STK25: variants seen among roughly 807,000 people sequenced by gnomAD.
STK25 encodes the protein serine/threonine-protein kinase 25.
A neutral mutation model predicts 53.8 loss-of-function variants in STK25; 29 were observed. The observed-to-expected ratio is 0.54, with a 90% CI of 0.40 to 0.74. The LOEUF (loss-of-function observed/expected upper bound fraction) is 0.74. Among genes scored for constraint, STK25 ranks in the 30% least tolerant of loss-of-function variants. The pLI is 0.00. For synonymous variants in STK25, 247 were observed against 238.3 expected (o/e 1.04, Z -0.33); for missense variants, 420 against 568.0 (o/e 0.74, Z 2.65).
chr2:241,494,338 T>G lies in STK25; in HGVS notation c.*1324A>C. The G allele has an allele frequency of 2.7e-6, 1 of 376,146 alleles. No individual in the cohort carries two copies. The highest frequency in any genetic ancestry group is 4.9e-6 in the Non-Finnish European group (1 of 205,996). The allele number at this position is 376,146 out of a possible 1,614,324, so 23.3% of individuals were successfully genotyped here. A position where few individuals can be genotyped will look rare whatever the true frequency, so the allele number is the denominator to read the frequency against. ...GCATGCCAGCAGCTATCTGGGGCCC[T>G]GGGAAAAATGTGCGAGTCTTGAGCG... On this transcript the variant is annotated 3_prime_UTR_variant, in exon 12 of 12. Transcript: ENST00000316586. The surrounding 1 kb of genome is among the most constrained non-coding windows in gnomAD (Gnocchi z 4.9).
intron 5 of STK25, 168 bp downstream of exon 5, chr2:241,500,005 C>A (rs746084750): frequency 3.6e-5 from 25 of 703,488 alleles, no homozygotes; most frequent in Non-Finnish European, 5.7e-5. Context: ...CAAGTAGTAT[C>A]TTCTGGAAAG....
At chr2:241,498,139 GCT>G (rs1032787392) in intron 9 of STK25, 94 bp downstream of exon 9, 1 of 1,190,054 alleles carries the variant, frequency 8.4e-7, no homozygotes, top group Non-Finnish European at 1.2e-6. Context: ...CCTTGTCCAA[GCT>G]CCAGACACTG....
At position 241,493,394 on chromosome 2, in the gene STK25, C is replaced by G; in HGVS notation, c.*2268G>C. The G allele has an allele frequency of 6.2e-7, 1 of 1,613,970 alleles. No individual in the cohort carries two copies. Among genetic ancestry groups the G allele is most frequent in the Non-Finnish European group, 8.5e-7 (1 of 1,179,992 alleles). The stretch of plus-strand genomic sequence containing the variant: ...AAGACTATGTTTTCAAGCTCCAGTT[C>G]AAATCCCACGTCTACTTCTTCCGGG... On this transcript the variant is annotated 3_prime_UTR_variant, in exon 12 of 12. Transcript: ENST00000316586.
rs959459664 is a variant in STK25 at position 241,496,646 on chromosome 2, G to A, written c.1105-112C>T. Reference sequence around the variant, plus strand: ...AGGCCTTCAGGGCTCTCGCCTAGGAGCCACACCCGGGAGCCCTTCAGCAAG... The same window carrying A: ...AGGCCTTCAGGGCTCTCGCCTAGGAACCACACCCGGGAGCCCTTCAGCAAG... On this transcript the variant is annotated intron_variant, in intron 10 of 11. Coordinates refer to ENST00000316586, the MANE Select transcript of STK25 (RefSeq NM_001271977.2). The surrounding 1 kb of genome is among the most constrained non-coding windows in gnomAD (Gnocchi z 5.8). 7.9e-7 allele frequency: 1 copy of A among 1,261,482 alleles called. No individual in the cohort carries two copies. The highest frequency in any genetic ancestry group is 1.1e-6 in the Non-Finnish European group (1 of 923,104). The allele number at this position is 1,261,482 out of a possible 1,614,324, so 78.1% of individuals were successfully genotyped here. A position where few individuals can be genotyped will look rare whatever the true frequency, so the allele number is the denominator to read the frequency against.
chr2:241,498,818 C>T (rs2065335234), intron 7 of STK25, 34 bp from the exon 8 acceptor site: 1 of 1,612,420 alleles, frequency 6.2e-7, no homozygotes, highest in East Asian at 2.2e-5. Context: ...AGTCACTGGG[C>T]CCAGCCAAGC....
Position 241,493,029 on chromosome 2 carries a change from C to T in STK25, c.*2633G>A, listed in dbSNP as rs1559819671. 4.4e-6 allele frequency: 7 copies of T among 1,576,512 alleles called. No individual in the cohort carries two copies. The Admixed American group carries it at 5.0e-5, about 11-fold the overall frequency. On this transcript the variant is annotated 3_prime_UTR_variant, in exon 12 of 12. Coordinates refer to ENST00000316586, the MANE Select transcript of STK25 (RefSeq NM_001271977.2). ...AACTTCTGTTTGTTCTTCTACAAAA[C>T]TCATCAGGTACTGGAGTTTCACTGG...
chr2:241,501,062 A>C lies in STK25; in HGVS notation c.262-266T>G. The C allele has an allele frequency of 1.7e-6, 1 of 575,922 alleles. No individual in the cohort carries two copies. The highest frequency in any genetic ancestry group is 3.1e-6 in the Non-Finnish European group (1 of 322,468). 35.7% of individuals were successfully genotyped at this position (575,922 alleles called of 1,614,324 possible). A position where few individuals can be genotyped will look rare whatever the true frequency, so the allele number is the denominator to read the frequency against. ...GACCCCATCAAAAACCAGGCTGCTG[A>C]TCCAGTCCTACAGGGCTGGGAAGAG... On this transcript the variant is annotated intron_variant, in intron 3 of 11. Transcript: ENST00000316586. This position sits in a 1 kb window ranked among gnomAD's most constrained non-coding sequence, Gnocchi z 5.3.
In STK25 at chr2:241,492,969, G is replaced by A. The variant is rs1163322036; in HGVS notation, c.*2693C>T. The A allele has an allele frequency of 1.9e-6, 3 of 1,613,256 alleles. No homozygotes were observed. The highest frequency in any genetic ancestry group is 1.7e-5 in the Admixed American group (1 of 60,020). On this transcript the variant is annotated 3_prime_UTR_variant, in exon 12 of 12. Coordinates refer to ENST00000316586, the MANE Select transcript of STK25 (RefSeq NM_001271977.2). Reference sequence around the variant, plus strand: ...TATCTGCTAAGAAAGTTCAAAAACAGTCATGGCTGGCAGAAGCTCTGGGTC... The same window carrying A: ...TATCTGCTAAGAAAGTTCAAAAACAATCATGGCTGGCAGAAGCTCTGGGTC...
In STK25 at chr2:241,493,910, C is replaced by T; in HGVS notation, c.*1752G>A. The T allele has an allele frequency of 1.3e-6, 1 of 767,052 alleles. No individual in the cohort carries two copies. Among genetic ancestry groups the T allele is most frequent in the Non-Finnish European group, 2.0e-6 (1 of 506,934 alleles). 47.5% of individuals were successfully genotyped at this position (767,052 alleles called of 1,614,324 possible). A position where few individuals can be genotyped will look rare whatever the true frequency, so the allele number is the denominator to read the frequency against. On this transcript the variant is annotated 3_prime_UTR_variant, in exon 12 of 12. Coordinates refer to ENST00000316586, the MANE Select transcript of STK25 (RefSeq NM_001271977.2). ...CCGCACCCGGCCCCAGGTTTTTAAC[C>T]CTTCTTTTGTCCTGCTTGTCCCATA...
At chr2:241,498,594 C>A in intron 8 of STK25, 45 bp downstream of exon 8, 1 of 1,579,112 alleles carries the variant, frequency 6.3e-7, no homozygotes, top group South Asian at 1.2e-5. Context: ...GGACCACCCA[C>A]GTCACAGCAC....
rs1048091301 is a variant in STK25 at position 241,501,112 on chromosome 2, C to T, written c.262-316G>A. 3.8e-5 allele frequency: 21 copies of T among 553,270 alleles called. No individual in the cohort carries two copies. Among genetic ancestry groups the T allele is most frequent in the Non-Finnish European group, 5.2e-5 (16 of 307,030 alleles). The allele number at this position is 553,270 out of a possible 1,614,324, so 34.3% of individuals were successfully genotyped here. On this transcript the variant is annotated intron_variant, in intron 3 of 11. Coordinates refer to ENST00000316586, the MANE Select transcript of STK25 (RefSeq NM_001271977.2). The surrounding 1 kb of genome is among the most constrained non-coding windows in gnomAD (Gnocchi z 5.3). Reference sequence around the variant, plus strand: ...GGGCATGGCTGGCAAGCATGTGACCCGACACACCCATCACCCTCCTGGGCA... The same window carrying T: ...GGGCATGGCTGGCAAGCATGTGACCTGACACACCCATCACCCTCCTGGGCA...
rs2064995014 is a variant in STK25 at position 241,493,232 on chromosome 2, G to C, written c.*2430C>G. ...TGCCACCGTTGTGCAGGTAGCAGAG[G>C]AATGGGCATTCCCTGTGGCAACCCA... is the stretch of plus-strand genomic sequence containing the variant. On this transcript the variant is annotated 3_prime_UTR_variant, in exon 12 of 12. Transcript: ENST00000316586. 6.4e-7 allele frequency: 1 copy of C among 1,568,780 alleles called. No individual in the cohort carries two copies.
At position 241,496,524 on chromosome 2, in the gene STK25, T is replaced by C. The variant is rs759077480; in HGVS notation, c.1115A>G (p.Lys372Arg). Residue 372 changes from lysine to arginine, a missense_variant, in exon 11 of 12, where the codon AAG (lysine) becomes AGG (arginine). Coordinates refer to ENST00000316586, the MANE Select transcript of STK25 (RefSeq NM_001271977.2). This position sits in a 1 kb window ranked among gnomAD's most constrained non-coding sequence, Gnocchi z 5.8. ...CACGCTCCCGCCGCTCTGCTTGTGC[T>C]TCTCTTTGAGCTGTGAAAAGACCAC... ...VRPVFGELKE[K>R]HKQSGGSVGA... 6.2e-7 allele frequency: 1 copy of C among 1,613,570 alleles called. No homozygotes were observed. The highest frequency in any genetic ancestry group is 8.5e-7 in the Non-Finnish European group (1 of 1,179,894).
In STK25 at chr2:241,493,219, G is replaced by A; in HGVS notation, c.*2443C>T. The A allele has an allele frequency of 1.1e-5, 17 of 1,504,012 alleles. No homozygotes were observed. The highest frequency in any genetic ancestry group is 1.5e-5 in the Non-Finnish European group (16 of 1,087,238). 93.2% of individuals were successfully genotyped at this position (1,504,012 alleles called of 1,614,324 possible). A position where few individuals can be genotyped will look rare whatever the true frequency, so the allele number is the denominator to read the frequency against. On this transcript the variant is annotated 3_prime_UTR_variant, in exon 12 of 12. Transcript: ENST00000316586. ...GGGCATTTGTACGTGCCACCGTTGTGCAGGTAGCAGAGGAATGGGCATTCC... is the reference window on the plus strand; with the variant it reads ...GGGCATTTGTACGTGCCACCGTTGTACAGGTAGCAGAGGAATGGGCATTCC...
In STK25 at chr2:241,495,659, G is replaced by A. The variant is rs747139500; in HGVS notation, c.*3C>T. The A allele has an allele frequency of 2.8e-5, 45 of 1,614,040 alleles. No homozygotes were observed. Among genetic ancestry groups the A allele is most frequent in the African/African-American group, 5.3e-5 (4 of 74,942 alleles). ...CCGTCCCCTATCTGAACAGCAGTGC[G>A]CTTCAGCGGGTGGATGTCAGGTGGT... On this transcript the variant is annotated 3_prime_UTR_variant, in exon 12 of 12. Coordinates refer to ENST00000316586, the MANE Select transcript of STK25 (RefSeq NM_001271977.2).
At chr2:241,498,870 C>T (rs775236043) in intron 7 of STK25, 86 bp from the exon 8 acceptor site, 9 of 1,605,372 alleles carry the variant, frequency 5.6e-6, no homozygotes, top group Middle Eastern at 1.7e-4. Flanking sequence ...TGGACCGGGG[C>T]GGGCCCTCAC....
Position 241,493,416 on chromosome 2 carries a change from C to T in STK25, c.*2246G>A, listed in dbSNP as rs182405145. 24 of 1,613,918 alleles carry T rather than the reference C, an allele frequency of 1.5e-5. No individual in the cohort carries two copies. The highest frequency in any genetic ancestry group is 1.1e-4 in the East Asian group (5 of 44,888). On this transcript the variant is annotated 3_prime_UTR_variant, in exon 12 of 12. Coordinates refer to ENST00000316586, the MANE Select transcript of STK25 (RefSeq NM_001271977.2). The stretch of plus-strand genomic sequence containing the variant: ...GTTCAAATCCCACGTCTACTTCTTC[C>T]GGGCTGAGAGCAAGTACACATTTGA...
At chr2:241,509,549 C>G (rs1351932921), upstream of STK25, 1 of 152,532 alleles carries the variant, frequency 6.6e-6, no homozygotes, top group African/African-American at 2.4e-5. Flanking sequence ...GGTGACTATC[C>G]TGACCTCCTC....
upstream of STK25, chr2:241,508,821 G>A: frequency 3.4e-6 from 3 of 893,372 alleles, no homozygotes; most frequent in Non-Finnish European, 4.0e-6. Context: ...CGCCTGGGCG[G>A]GCGGGGCACG....
Sources: gnomAD v4.1 joint callset for allele counts on GRCh38, gnomAD v4.1.1 for gene constraint, Gnocchi (gnomAD v3.1) non-coding constraint, MANE v1.5 for transcripts, NCBI Gene and HGNC (gene_info 2026-07-23, HGNC 2026-07-21) for gene names.